The following KCNH1 variants were observed in gnomAD, a reference collection of about 807,000 sequenced individuals.
KCNH1 encodes potassium voltage-gated channel subfamily H member 1.
A neutral mutation model predicts 69.2 loss-of-function variants in KCNH1; 27 were observed. The observed-to-expected ratio is 0.39, with a 90% confidence interval of 0.29 to 0.54. The LOEUF (loss-of-function observed/expected upper bound fraction) is 0.54, where lower values mean the gene tolerates loss of function less well. Ranked by LOEUF, KCNH1 falls within the 20% of genes least tolerant of loss-of-function variation. The pLI is 0.68. For synonymous variants in KCNH1, 456 were observed against 487.7 expected, an observed-to-expected ratio of 0.93 and a Z score of 0.86; for missense variants, 798 against 1,261.6, an observed-to-expected ratio of 0.63 and a Z score of 5.57.
chr1:210,769,848 C>A (rs1301118849), intron 10 of KCNH1, among the ~76,000 whole-genome samples: 1 of 152,044 alleles, frequency 6.6e-6, no homozygotes, highest in Non-Finnish European at 1.5e-5. Flanking sequence ...TAACCAAGGG[C>A]AACAAAGTGT....
chr1:210,891,351 G>A (rs1456284418), intron 7 of KCNH1, among the ~76,000 whole-genome samples: 1 of 152,076 alleles, frequency 6.6e-6, no homozygotes, highest in African/African-American at 2.4e-5. Context: ...GAGAACACTT[G>A]GACACAGGGT....
chr1:210,985,229 A>C (rs1688806188), intron 6 of KCNH1, among the ~76,000 whole-genome samples: 1 of 152,120 alleles, frequency 6.6e-6, no homozygotes, highest in Admixed American at 6.6e-5. Context: ...TTTTCAAAAA[A>C]CCAGCCCCTG....
intron 7 of KCNH1, chr1:210,860,202 C>T (rs1486424835): frequency 3.8e-6 from 5 of 1,323,776 alleles, no homozygotes; most frequent in South Asian, 3.5e-5. Flanking sequence ...AAAGGAGGGG[C>T]ATCATATCTG....
rs558822621 is a variant in KCNH1 at position 210,876,348 on chromosome 1, C to T, written c.1462+43292G>A. 1.8e-4 allele frequency among the ~76,000 whole-genome samples: 27 copies of T among 152,244 alleles called. 1 individual carries two copies. The South Asian group carries it at 5.2e-3, about 29-fold the overall frequency. On this transcript the variant is annotated intron_variant, in intron 7 of 10. Transcript: ENST00000271751. The stretch of plus-strand genomic sequence containing the variant: ...TTACAATACCAAACCTGAATCCTTC[C>T]ATCTACCTTCCTCCCATCCTACATC...
intron 5 of KCNH1, among the ~76,000 whole-genome samples, chr1:211,049,144 T>C (rs1294749590): frequency 6.6e-6 from 1 of 152,034 alleles, no homozygotes; most frequent in Non-Finnish European, 1.5e-5. Flanking sequence ...GACATGAAAA[T>C]GGACCCACAA....
intron 7 of KCNH1, among the ~76,000 whole-genome samples, chr1:210,819,450 T>C (rs1244372737): frequency 6.6e-6 from 1 of 152,126 alleles, no homozygotes; most frequent in African/African-American, 2.4e-5. Flanking sequence ...ACATGGACTC[T>C]GAACAGCCAA....
At chr1:210,897,613 T>C (rs551953475) in intron 7 of KCNH1, among the ~76,000 whole-genome samples, 1 of 152,306 alleles carries the variant, frequency 6.6e-6, no homozygotes, top group East Asian at 1.9e-4. Flanking sequence ...GACAGGATAA[T>C]TTACTGAGAT....
intron 1 of KCNH1, among the ~76,000 whole-genome samples, chr1:211,114,392 C>T (rs1425501262): frequency 6.6e-6 from 1 of 152,124 alleles, no homozygotes; most frequent in Non-Finnish European, 1.5e-5. Context: ...AACCACATTC[C>T]CTTTGCTATT....
intron 10 of KCNH1, among the ~76,000 whole-genome samples, chr1:210,740,954 A>G (rs1405863217): frequency 6.6e-6 from 1 of 152,118 alleles, no homozygotes; most frequent in Non-Finnish European, 1.5e-5. Context: ...AAAACCAAAA[A>G]TTGAAACCTA....
At chr1:210,855,005 C>A (rs1685801107) in intron 7 of KCNH1, among the ~76,000 whole-genome samples, 1 of 152,202 alleles carries the variant, frequency 6.6e-6, no homozygotes, top group South Asian at 2.1e-4. Flanking sequence ...TTAGCCTACC[C>A]TTTGCAATTT....
At chr1:210,995,050 C>A (rs1369597438) in intron 6 of KCNH1, among the ~76,000 whole-genome samples, 2 of 152,116 alleles carry the variant, frequency 1.3e-5, no homozygotes, top group Non-Finnish European at 2.9e-5. Flanking sequence ...TTTCCCATTC[C>A]TTCTTGCTAA....
chr1:210,734,213 C>T (rs774372218), intron 10 of KCNH1, among the ~76,000 whole-genome samples: 42 of 152,252 alleles, frequency 2.8e-4, no homozygotes, highest in African/African-American at 8.4e-4. Context: ...AGGGGAGTGA[C>T]GGCAATTGAT....
chr1:210,982,245 ATT>A (rs553403310), intron 6 of KCNH1, among the ~76,000 whole-genome samples: 19,672 of 151,726 alleles, frequency 0.13, 1,603 homozygotes, highest in African/African-American at 0.22. Context: ...TATTATTATT[ATT>A]ATAAAGTTTT....
chr1:211,028,278 G>A (rs1689719898), intron 5 of KCNH1, among the ~76,000 whole-genome samples: 1 of 151,872 alleles, frequency 6.6e-6, no homozygotes. Flanking sequence ...TGAACTCAAT[G>A]AAAATGAAAA....
At chr1:211,013,465 G>C (rs1363207408) in intron 6 of KCNH1, among the ~76,000 whole-genome samples, 2 of 152,156 alleles carry the variant, frequency 1.3e-5, no homozygotes, top group African/African-American at 4.8e-5. Context: ...AAAATGAAGG[G>C]AACAGCAGGA....
intron 6 of KCNH1, among the ~76,000 whole-genome samples, chr1:210,985,420 A>G (rs979732496): frequency 1.3e-5 from 2 of 152,150 alleles, no homozygotes; most frequent in African/African-American, 4.8e-5. Context: ...GTGGGCATGT[A>G]GTGCTATAAA....
chr1:210,803,162 G>GC (rs1286530341), intron 8 of KCNH1, among the ~76,000 whole-genome samples: 1 of 152,124 alleles, frequency 6.6e-6, no homozygotes, highest in Non-Finnish European at 1.5e-5. Flanking sequence ...GAGTGCAGTG[G>GC]CATTATCTTG....
intron 5 of KCNH1, among the ~76,000 whole-genome samples, chr1:211,071,707 A>C (rs1690646567): frequency 6.6e-6 from 1 of 152,166 alleles, no homozygotes; most frequent in Admixed American, 6.5e-5. Flanking sequence ...TGACATACCT[A>C]ATTTTTTCAA....
chr1:210,985,246 C>T (rs139422618), intron 6 of KCNH1, among the ~76,000 whole-genome samples: 2,018 of 152,130 alleles, frequency 0.013, 58 homozygotes, highest in East Asian at 0.056. Flanking sequence ...CCTGGATTCA[C>T]TGATTTTTTG....
Sources: allele counts gnomAD v4.1 joint callset (sites outside exome capture counted in the v4.1 genomes callset), GRCh38; gene constraint gnomAD v4.1.1; transcripts MANE v1.5; gene names NCBI Gene and HGNC (gene_info 2026-07-23, HGNC 2026-07-21).